Variants in RPS6KB1 observed in about 807,000 individuals in gnomAD.
The protein encoded by RPS6KB1 is ribosomal protein S6 kinase beta-1.
In RPS6KB1, 12 loss-of-function variants were observed where a neutral mutation model predicts 70.2. The observed-to-expected ratio is 0.17, with a 90% CI of 0.11 to 0.28. The LOEUF (loss-of-function observed/expected upper bound fraction) is 0.28, where lower values mean the gene tolerates loss of function less well. Ranked by LOEUF, RPS6KB1 falls within the 10% of genes least tolerant of loss-of-function variation. The probability of loss-of-function intolerance (pLI) is 1.00; values close to 1 mark genes in which losing one functional copy is unlikely to be tolerated. For missense variants in RPS6KB1, 270 were observed against 646.6 expected, an observed-to-expected ratio of 0.42 and a Z score of 6.32; for synonymous variants, 175 against 211.2, an observed-to-expected ratio of 0.83 and a Z score of 1.49.
At chr17:59,943,835 C>T (rs2044754929) in intron 13 of RPS6KB1, among the ~76,000 whole-genome samples, 1 of 147,626 alleles carries the variant, frequency 6.8e-6, no homozygotes, top group Non-Finnish European at 1.5e-5. Context: ...ACGCCCCTCA[C>T]TGCACTCCAG....
chr17:59,920,014 C>T (rs118068040), intron 4 of RPS6KB1, among the ~76,000 whole-genome samples: 2 of 152,038 alleles, frequency 1.3e-5, no homozygotes, highest in Non-Finnish European at 2.9e-5. Flanking sequence ...TTCCACATGT[C>T]TTCTAGTTTT....
At chr17:59,932,375 A>T (rs4093906) in intron 7 of RPS6KB1, among the ~76,000 whole-genome samples, 3 of 152,132 alleles carry the variant, frequency 2.0e-5, no homozygotes, top group Non-Finnish European at 1.5e-5. Flanking sequence ...TCGCGACATT[A>T]TACTCCAGCC....
rs2044926133 is a variant in RPS6KB1 at position 59,946,380 on chromosome 17, A to C, written c.1341-171A>C. ...ACCAGTTAGGAAATTCTAGCAGTTA[A>C]TCTAGGTGGGGGAGAGATGGTTCAA... On this transcript the variant is annotated intron_variant, in intron 14 of 14. Coordinates refer to ENST00000225577, the MANE Select transcript of RPS6KB1 (RefSeq NM_003161.4). The surrounding 1 kb of genome is among the most constrained non-coding windows in gnomAD (Gnocchi z 4.2). Among the ~76,000 whole-genome samples, 1 of 152,168 alleles carries C rather than the reference A, an allele frequency of 6.6e-6. No homozygotes were observed. The highest frequency in any genetic ancestry group is 6.5e-5 in the Admixed American group (1 of 15,276).
At chr17:59,899,717 TC>T (rs1305973026) in intron 1 of RPS6KB1, among the ~76,000 whole-genome samples, 1 of 152,120 alleles carries the variant, frequency 6.6e-6, no homozygotes, top group East Asian at 1.9e-4. Context: ...ATTGGTTTTT[TC>T]CCCCTTGATA....
At chr17:59,912,551 A>G (rs1460588911) in intron 2 of RPS6KB1, 133 bp from the exon 3 acceptor site, 1 of 841,006 alleles carries the variant, frequency 1.2e-6, no homozygotes, top group Non-Finnish European at 1.8e-6. Context: ...TTAGAGCACA[A>G]ATAATTTGGT....
chr17:59,931,482 CTT>C (rs2043921068), intron 6 of RPS6KB1, 138 bp from the exon 7 acceptor site: 1 of 643,126 alleles, frequency 1.6e-6, no homozygotes, highest in African/African-American at 1.9e-5. Context: ...TATGCCATCT[CTT>C]TTTCCAATAC....
chr17:59,946,510 A>T lies in RPS6KB1; in HGVS notation c.1341-41A>T, dbSNP rs774691191. On this transcript the variant is annotated intron_variant, in intron 14 of 14. Transcript: ENST00000225577. This position sits in a 1 kb window ranked among gnomAD's most constrained non-coding sequence, Gnocchi z 4.2. Reference sequence around the variant, plus strand: ...AAAGGAAATATGTCTTGTTGAGATGACCCTTAAGCAAATGAATGATAGCTC... The same window carrying T: ...AAAGGAAATATGTCTTGTTGAGATGTCCCTTAAGCAAATGAATGATAGCTC... The T allele has an allele frequency of 7.1e-7, 1 of 1,400,952 alleles. No individual in the cohort carries two copies. Among genetic ancestry groups the T allele is most frequent in the Admixed American group, 1.7e-5 (1 of 59,048 alleles). The allele number at this position is 1,400,952 out of a possible 1,614,324, so 86.8% of individuals were successfully genotyped here.
At chr17:59,941,776 G>A (rs1034869197) in intron 13 of RPS6KB1, among the ~76,000 whole-genome samples, 1 of 151,650 alleles carries the variant, frequency 6.6e-6, no homozygotes, top group Non-Finnish European at 1.5e-5. Context: ...TGGGACTATA[G>A]GCGTGCGCCA....
intron 4 of RPS6KB1, among the ~76,000 whole-genome samples, chr17:59,921,950 A>G (rs1398790268): frequency 6.6e-6 from 1 of 152,022 alleles, no homozygotes; most frequent in Non-Finnish European, 1.5e-5. Context: ...TTAGTTAATA[A>G]ATTTTCCTCA....
intron 12 of RPS6KB1, among the ~76,000 whole-genome samples, chr17:59,938,571 T>C (rs1257098846): frequency 6.6e-6 from 1 of 152,168 alleles, no homozygotes; most frequent in Non-Finnish European, 1.5e-5. Context: ...GTTATCCCCA[T>C]AGTTTCATTG....
chr17:59,904,105 G>T (rs557105049), intron 1 of RPS6KB1, among the ~76,000 whole-genome samples: 3 of 140,522 alleles, frequency 2.1e-5, no homozygotes, highest in Non-Finnish European at 4.8e-5. Context: ...TTTTGAGATG[G>T]AGTCTTGTTC....
intron 4 of RPS6KB1, among the ~76,000 whole-genome samples, chr17:59,915,786 TTTTTTTTTTTTTTA>T (rs1568429610): frequency 2.4e-5 from 3 of 123,378 alleles, no homozygotes; most frequent in Non-Finnish European, 5.0e-5. Context: ...TTTTTTTTTT[TTTTTTTTTTTTTTA>T]TTGTGACAGA....
chr17:59,906,754 G>C (rs137892527), intron 1 of RPS6KB1, among the ~76,000 whole-genome samples: 1,602 of 152,186 alleles, frequency 0.011, 29 homozygotes, highest in African/African-American at 0.037. Flanking sequence ...GAGTGCAATG[G>C]TGTGATCTCG....
At chr17:59,906,577 G>C (rs140276287) in intron 1 of RPS6KB1, among the ~76,000 whole-genome samples, 131 of 152,230 alleles carry the variant, frequency 8.6e-4, no homozygotes, top group African/African-American at 3.0e-3. Context: ...GGCCAGGCTG[G>C]TCTTGAACTC....
chr17:59,914,394 T>A (rs889313156), intron 3 of RPS6KB1, among the ~76,000 whole-genome samples: 2 of 152,182 alleles, frequency 1.3e-5, no homozygotes, highest in Non-Finnish European at 2.9e-5. Context: ...GGATTTTATA[T>A]ATTAATATAA....
intron 1 of RPS6KB1, among the ~76,000 whole-genome samples, chr17:59,908,399 C>T (rs918422524): frequency 1.9e-4 from 29 of 151,728 alleles, no homozygotes; most frequent in African/African-American, 6.8e-4. Context: ...CGGGGTTTCA[C>T]CATGTTGGCC....
At chr17:59,927,088 A>T (rs893843874) in intron 5 of RPS6KB1, among the ~76,000 whole-genome samples, 9 of 147,112 alleles carry the variant, frequency 6.1e-5, no homozygotes, top group South Asian at 2.1e-4. Flanking sequence ...GTGTCTATTT[A>T]TTTTTTTTTT....
rs1442157689 is a variant in RPS6KB1 at position 59,910,943 on chromosome 17, T to C, written c.191+332T>C. ...TCAAAAAGTCAAATGCTTTCTGTTT[T>C]GCTTAAATATACAAACAGAAATTCA... On this transcript the variant is annotated intron_variant, in intron 2 of 14. Coordinates refer to ENST00000225577, the MANE Select transcript of RPS6KB1 (RefSeq NM_003161.4). Among the ~76,000 whole-genome samples the C allele has an allele frequency of 2.0e-5, 3 of 152,204 alleles. No homozygotes were observed. The South Asian group carries it at 6.2e-4, about 32-fold the overall frequency.
Position 59,895,563 on chromosome 17 carries a change from T to C in RPS6KB1, c.141+2238T>C, listed in dbSNP as rs184394407. On this transcript the variant is annotated intron_variant, in intron 1 of 14. Transcript: ENST00000225577. ...GTCTTGAACATCTGACCTCAGGTGATCACCTGCCTCAGTCTCCCAAAGTGC... is the reference window on the plus strand; with the variant it reads ...GTCTTGAACATCTGACCTCAGGTGACCACCTGCCTCAGTCTCCCAAAGTGC... Among the ~76,000 whole-genome samples, 403 of 150,218 alleles carry C rather than the reference T, an allele frequency of 2.7e-3. 4 individuals carry two copies. Among genetic ancestry groups the C allele is most frequent in the African/African-American group, 9.3e-3 (378 of 40,638 alleles).
Sources: allele counts gnomAD v4.1 joint callset (sites outside exome capture counted in the v4.1 genomes callset), GRCh38; gene constraint gnomAD v4.1.1; non-coding constraint Gnocchi (gnomAD v3.1); transcripts MANE v1.5; gene names NCBI Gene and HGNC (gene_info 2026-07-23, HGNC 2026-07-21).